The following AHCTF1 variants were observed in gnomAD, a reference collection of about 807,000 sequenced individuals.
The protein encoded by AHCTF1 is AT-hook containing transcription factor 1, also known as protein ELYS.
Under a neutral mutation model 248.4 loss-of-function variants are expected in AHCTF1, and 24 were observed. That is an observed-to-expected ratio of 0.10 (90% CI 0.07 to 0.14). The LOEUF (loss-of-function observed/expected upper bound fraction) is 0.14. Ranked by LOEUF, AHCTF1 falls within the 10% of genes least tolerant of loss-of-function variation. The probability of loss-of-function intolerance (pLI) is 1.00; values close to 1 mark genes in which losing one functional copy is unlikely to be tolerated. For missense variants in AHCTF1, 2,206 were observed against 2,636.2 expected (o/e 0.84, Z 3.57); for synonymous variants, 786 against 929.8 (o/e 0.85, Z 2.81).
At chr1:246,894,389 G>A (rs1051600188) in intron 14 of AHCTF1, among the ~76,000 whole-genome samples, 2 of 152,046 alleles carry the variant, frequency 1.3e-5, no homozygotes, top group African/African-American at 2.4e-5. Context: ...TGGCTAACAC[G>A]GTGAAACCCC....
intron 28 of AHCTF1, among the ~76,000 whole-genome samples, chr1:246,861,516 G>A (rs1661549265): frequency 6.6e-6 from 1 of 152,124 alleles, no homozygotes; most frequent in Non-Finnish European, 1.5e-5. Context: ...ATTTTCAGAA[G>A]ACTACAACAC....
At chr1:246,889,833 T>C in intron 17 of AHCTF1, 133 bp downstream of exon 17, 1 of 576,098 alleles carries the variant, frequency 1.7e-6, no homozygotes, top group Non-Finnish European at 3.0e-6. Flanking sequence ...AGAAATAAAA[T>C]AGTAATGGTA....
intron 32 of AHCTF1, chr1:246,851,797 CAG>C (rs1265760485): frequency 1.1e-5 from 2 of 187,792 alleles, no homozygotes; most frequent in South Asian, 1.4e-4. Context: ...CCGGAAAAAA[CAG>C]AAACAACCCC....
chr1:246,907,356 C>T (rs941821936), intron 5 of AHCTF1, among the ~76,000 whole-genome samples, 195 bp downstream of exon 5: 4 of 152,176 alleles, frequency 2.6e-5, no homozygotes, highest in African/African-American at 9.7e-5. Context: ...AAGCTAAATT[C>T]ATGTGCTAAG....
At chr1:246,928,365 C>A (rs1667101585) in intron 1 of AHCTF1, among the ~76,000 whole-genome samples, 1 of 151,526 alleles carries the variant, frequency 6.6e-6, no homozygotes, top group Non-Finnish European at 1.5e-5. Context: ...CTATGAATTC[C>A]TAAAAGGCAA....
intron 1 of AHCTF1, among the ~76,000 whole-genome samples, chr1:246,923,581 TC>T (rs1395415256): frequency 1.3e-5 from 2 of 152,216 alleles, no homozygotes; most frequent in Admixed American, 6.5e-5. Context: ...ATATTTCAAT[TC>T]AGAGCAGACA....
intron 24 of AHCTF1, among the ~76,000 whole-genome samples, chr1:246,869,040 T>G (rs796387208): frequency 2.0e-5 from 3 of 151,574 alleles, no homozygotes; most frequent in Admixed American, 6.6e-5. Context: ...GAGACGGGGT[T>G]TCACCATGTT....
chr1:246,861,335 A>G (rs1661534620), intron 28 of AHCTF1, 40 bp from the exon 29 acceptor site: 1 of 1,526,442 alleles, frequency 6.6e-7, no homozygotes. Context: ...ATTAGTAAAT[A>G]TCACAGTTAA....
At chr1:246,861,521 C>A (rs74152750) in intron 28 of AHCTF1, among the ~76,000 whole-genome samples, 26,498 of 152,110 alleles carry the variant, frequency 0.17, 3,928 homozygotes, top group African/African-American at 0.41. Context: ...CAGAAGACTA[C>A]AACACAGAAC....
chr1:246,880,051 T>C (rs904296651), intron 21 of AHCTF1, among the ~76,000 whole-genome samples: 2 of 152,076 alleles, frequency 1.3e-5, no homozygotes, highest in Non-Finnish European at 2.9e-5. Flanking sequence ...AGAGGACATA[T>C]AGGCATTTGT....
At chr1:246,904,083 A>G (rs1462303900) in intron 6 of AHCTF1, 50 bp from the exon 7 acceptor site, 7 of 1,459,482 alleles carry the variant, frequency 4.8e-6, no homozygotes, top group East Asian at 2.3e-5. Context: ...TACATTAAAC[A>G]TCTCTTACTG....
At chr1:246,930,604 G>C (rs1055965655) in intron 1 of AHCTF1, among the ~76,000 whole-genome samples, 1 of 151,272 alleles carries the variant, frequency 6.6e-6, no homozygotes, top group African/African-American at 2.4e-5. Context: ...AAAAAGGGGG[G>C]GTCTCGCCAT....
At chr1:246,878,446 C>T (rs186023684) in intron 21 of AHCTF1, among the ~76,000 whole-genome samples, 8 of 129,722 alleles carry the variant, frequency 6.2e-5, no homozygotes, top group East Asian at 2.3e-4. Flanking sequence ...CAATGAATTA[C>T]GATGTAGCCC....
At chr1:246,904,831 A>T (rs1273065090) in intron 6 of AHCTF1, among the ~76,000 whole-genome samples, 1 of 152,160 alleles carries the variant, frequency 6.6e-6, no homozygotes, top group African/African-American at 2.4e-5. Flanking sequence ...GGCTTCTAAC[A>T]CACCACACCT....
chr1:246,906,554 C>T (rs566019791), intron 5 of AHCTF1, among the ~76,000 whole-genome samples: 12 of 151,920 alleles, frequency 7.9e-5, no homozygotes, highest in Non-Finnish European at 1.8e-4. Context: ...TGCACTCCAG[C>T]CTGGGCAACA....
chr1:246,880,245 A>G (rs1246018142), intron 21 of AHCTF1, among the ~76,000 whole-genome samples: 2 of 151,084 alleles, frequency 1.3e-5, no homozygotes, highest in Non-Finnish European at 2.9e-5. Flanking sequence ...TATAAAATAT[A>G]TAATAGGCAT....
At chr1:246,841,331 G>A (rs891373237) in intron 35 of AHCTF1, among the ~76,000 whole-genome samples, 1 of 152,134 alleles carries the variant, frequency 6.6e-6, no homozygotes, top group Non-Finnish European at 1.5e-5. Flanking sequence ...TCAGCCCAGG[G>A]GATGACAGCC....
At chr1:246,897,469 T>G (rs1171636984) in intron 12 of AHCTF1, among the ~76,000 whole-genome samples, 1 of 152,220 alleles carries the variant, frequency 6.6e-6, no homozygotes, top group Non-Finnish European at 1.5e-5. Context: ...TGGGGATACA[T>G]TCCGATGAAT....
At chr1:246,868,972 GT>G (rs1553291712) in intron 24 of AHCTF1, among the ~76,000 whole-genome samples, 1 of 142,886 alleles carries the variant, frequency 7.0e-6, no homozygotes, top group Non-Finnish European at 1.5e-5. Flanking sequence ...AGCCTGCTGA[GT>G]AGCTGGGACT....
Sources: allele counts gnomAD v4.1 joint callset (sites outside exome capture counted in the v4.1 genomes callset), GRCh38; gene constraint gnomAD v4.1.1; transcripts MANE v1.5; gene names NCBI Gene and HGNC (gene_info 2026-07-23, HGNC 2026-07-21).